GPR158: variants seen among roughly 807,000 people sequenced by gnomAD.
GPR158 encodes the protein G protein-coupled receptor 158.
Under a neutral mutation model 78.2 loss-of-function variants are expected in GPR158, and 30 were observed. That is an observed-to-expected ratio of 0.38 (90% CI 0.29 to 0.52). The LOEUF is 0.52. GPR158 is among the 20% of genes least tolerant of loss of function. The pLI, the probability that GPR158 is intolerant of heterozygous loss-of-function variation, is 0.83. For missense variants in GPR158, 1,463 were observed against 1,523.5 expected (o/e 0.96, Z 0.66); for synonymous variants, 581 against 591.1 (o/e 0.98, Z 0.25).
At chr10:25,338,960 C>T (rs2130503456) in intron 2 of GPR158, among the ~76,000 whole-genome samples, 1 of 151,160 alleles carries the variant, frequency 6.6e-6, no homozygotes, top group Admixed American at 6.6e-5. Context: ...GTTAAAGGTC[C>T]TACACATATT....
intron 2 of GPR158, among the ~76,000 whole-genome samples, chr10:25,274,093 T>A (rs1376156003): frequency 6.6e-6 from 1 of 152,200 alleles, no homozygotes; most frequent in Non-Finnish European, 1.5e-5. Flanking sequence ...TTGGGATATT[T>A]TTCTTTCTGC....
chr10:25,495,981 C>A (rs945701165), intron 5 of GPR158, among the ~76,000 whole-genome samples: 2 of 152,026 alleles, frequency 1.3e-5, no homozygotes, highest in Non-Finnish European at 2.9e-5. Flanking sequence ...CTGTTCTCAA[C>A]CCCCTAAATG....
chr10:25,189,715 A>G (rs1002938750), intron 1 of GPR158, among the ~76,000 whole-genome samples: 6 of 152,076 alleles, frequency 3.9e-5, no homozygotes. Flanking sequence ...CAGCACACCA[A>G]CATGGCACAT....
At chr10:25,402,852 T>C (rs1834465954) in intron 3 of GPR158, among the ~76,000 whole-genome samples, 1 of 151,920 alleles carries the variant, frequency 6.6e-6, no homozygotes, top group South Asian at 2.1e-4. Flanking sequence ...TATTTGTGAT[T>C]TGGAGCTAAA....
intron 2 of GPR158, among the ~76,000 whole-genome samples, chr10:25,335,319 T>A (rs1437931529): frequency 3.9e-5 from 6 of 152,102 alleles, no homozygotes; most frequent in Admixed American, 3.9e-4. Flanking sequence ...CACTAATAGC[T>A]TTTTGCATAG....
At chr10:25,437,132 T>C (rs1346185749) in intron 4 of GPR158, among the ~76,000 whole-genome samples, 2 of 152,228 alleles carry the variant, frequency 1.3e-5, no homozygotes, top group Non-Finnish European at 2.9e-5. Context: ...TGTTGGTAGC[T>C]GATAGTATTA....
intron 2 of GPR158, among the ~76,000 whole-genome samples, chr10:25,341,848 AAAAAC>A (rs1447167380): frequency 2.7e-5 from 4 of 150,090 alleles, no homozygotes; most frequent in African/African-American, 1.0e-4. Flanking sequence ...AAACAAAAAC[AAAAAC>A]AAAAAAAAAC....
At chr10:25,564,020 C>G (rs1433685474) in intron 6 of GPR158, among the ~76,000 whole-genome samples, 1 of 151,952 alleles carries the variant, frequency 6.6e-6, no homozygotes, top group Admixed American at 6.6e-5. Flanking sequence ...TCAGATTCTC[C>G]ATCCTTTCCA....
intron 2 of GPR158, among the ~76,000 whole-genome samples, chr10:25,242,293 T>G (rs1262599269): frequency 1.3e-5 from 2 of 152,244 alleles, no homozygotes; most frequent in African/African-American, 4.8e-5. Flanking sequence ...AAATAAAATT[T>G]CAAAATCTAG....
chr10:25,597,762 G>C lies in GPR158; in HGVS notation c.2146-10G>C. 1 of 1,494,940 alleles carries C rather than the reference G, an allele frequency of 6.7e-7. No homozygotes were observed. The highest frequency in any genetic ancestry group is 2.3e-5 in the East Asian group (1 of 43,620). 92.6% of individuals were successfully genotyped at this position (1,494,940 alleles called of 1,614,324 possible). On this transcript the variant is annotated splice_polypyrimidine_tract_variant and intron_variant, in intron 10 of 10. Coordinates refer to ENST00000376351, the MANE Select transcript of GPR158 (RefSeq NM_020752.3). ...TCTACACTTCTTTGAATTTGCTTTTGTTCTGGCAGGACGAGCTGAAAAAAC... is the reference window on the plus strand; with the variant it reads ...TCTACACTTCTTTGAATTTGCTTTTCTTCTGGCAGGACGAGCTGAAAAAAC...
intron 4 of GPR158, among the ~76,000 whole-genome samples, chr10:25,414,265 A>G (rs950495835): frequency 3.3e-5 from 5 of 152,308 alleles, no homozygotes; most frequent in Admixed American, 3.3e-4. Context: ...GCCGGTTATT[A>G]AACCTTGCTA....
At chr10:25,258,992 C>T (rs1262203720) in intron 2 of GPR158, among the ~76,000 whole-genome samples, 1 of 152,064 alleles carries the variant, frequency 6.6e-6, no homozygotes, top group African/African-American at 2.4e-5. Flanking sequence ...ATTTTTTATT[C>T]ATTAAGTGGG....
intron 2 of GPR158, among the ~76,000 whole-genome samples, chr10:25,250,587 G>C (rs899985495): frequency 2.0e-5 from 3 of 149,320 alleles, no homozygotes; most frequent in African/African-American, 7.5e-5. Flanking sequence ...AGTCATTCAG[G>C]AGCAGGTTGT....
At chr10:25,483,457 C>A (rs2987832) in intron 5 of GPR158, among the ~76,000 whole-genome samples, 5 of 151,868 alleles carry the variant, frequency 3.3e-5, no homozygotes, top group Non-Finnish European at 7.4e-5. Context: ...CAGCCTGCCC[C>A]ACTCCTCACA....
intron 2 of GPR158, among the ~76,000 whole-genome samples, chr10:25,273,504 T>A (rs557705380): frequency 7.2e-5 from 11 of 152,112 alleles, no homozygotes; most frequent in Non-Finnish European, 1.0e-4. Flanking sequence ...AACGTATTTT[T>A]CAGATACAAA....
intron 2 of GPR158, among the ~76,000 whole-genome samples, chr10:25,261,362 C>A (rs1245890844): frequency 1.3e-5 from 2 of 152,170 alleles, no homozygotes; most frequent in African/African-American, 4.8e-5. Flanking sequence ...TGACCTACTT[C>A]TTCAAACCAA....
In GPR158 at chr10:25,601,903, G is replaced by A. The variant is rs1045803601; in HGVS notation, c.*2629G>A. On this transcript the variant is annotated 3_prime_UTR_variant, in exon 11 of 11. Transcript: ENST00000376351. ...GCAAGAATTAAATGCTTTACAACAT[G>A]AAGTATAACTCAACCCATTGTAAAC... 6.6e-6 allele frequency: 1 copy of A among 152,602 alleles called. No individual in the cohort carries two copies. Among genetic ancestry groups the A allele is most frequent in the Non-Finnish European group, 1.5e-5 (1 of 68,038 alleles). The allele number at this position is 152,602 out of a possible 1,614,324, so 9.5% of individuals were successfully genotyped here.
At chr10:25,440,289 C>A (rs2130587828) in intron 4 of GPR158, among the ~76,000 whole-genome samples, 1 of 152,234 alleles carries the variant, frequency 6.6e-6, no homozygotes, top group South Asian at 2.1e-4. Flanking sequence ...CTCTACTTAG[C>A]CTTGAGGGGT....
In GPR158 at chr10:25,179,998, G is replaced by A. The variant is rs1852594190; in HGVS notation, c.902+3676G>A. ...TGAATGCATAGATAGCTCTCTGGTG[G>A]TGGTTGGAATTGTTCAGTGCCTAGG... On this transcript the variant is annotated intron_variant, in intron 1 of 10. Transcript: ENST00000376351. Among the ~76,000 whole-genome samples the A allele has an allele frequency of 3.9e-5, 6 of 152,282 alleles. No homozygotes were observed. The South Asian group carries it at 1.2e-3, about 32-fold the overall frequency.
Sources: gnomAD v4.1 joint callset for allele counts (sites outside exome capture counted in the v4.1 genomes callset) on GRCh38, gnomAD v4.1.1 for gene constraint, MANE v1.5 for transcripts, NCBI Gene and HGNC (gene_info 2026-07-23, HGNC 2026-07-21) for gene names.